The following PDE10A variants were observed in gnomAD, a reference collection of about 807,000 sequenced individuals.
The protein encoded by PDE10A is phosphodiesterase 10A.
Under a neutral mutation model 97.7 loss-of-function variants are expected in PDE10A, and 39 were observed. The ratio of observed to expected loss-of-function variants is 0.40; its 90% CI spans 0.31 to 0.52. The LOEUF (loss-of-function observed/expected upper bound fraction) is 0.52, where lower values mean the gene tolerates loss of function less well. PDE10A is among the 20% of genes least tolerant of loss of function. The pLI, the probability that PDE10A is intolerant of heterozygous loss-of-function variation, is 0.56. For missense variants in PDE10A, 731 were observed against 1,047.8 expected (o/e 0.70, Z 4.17); for synonymous variants, 371 against 376.8 (o/e 0.98, Z 0.18).
At chr6:165,419,466 A>G (rs1788546329) in intron 10 of PDE10A, among the ~76,000 whole-genome samples, 1 of 152,214 alleles carries the variant, frequency 6.6e-6, no homozygotes, top group African/African-American at 2.4e-5. Context: ...AAATTGAGGC[A>G]CTGAGAAGTA....
At chr6:165,775,888 T>G (rs1165050347) in intron 1 of PDE10A, 2 of 152,194 alleles carry the variant, frequency 1.3e-5, no homozygotes, top group Non-Finnish European at 2.9e-5. Context: ...TAAATTTCAG[T>G]GAGAAAAAAT....
chr6:165,366,724 C>G (rs192498267), intron 18 of PDE10A, among the ~76,000 whole-genome samples: 203 of 152,248 alleles, frequency 1.3e-3, no homozygotes, highest in African/African-American at 4.6e-3. Context: ...GGGAGAACCA[C>G]AGAAGTGGAA....
chr6:165,622,273 AGT>A (rs113616610), intron 1 of PDE10A, among the ~76,000 whole-genome samples: 5,042 of 148,132 alleles, frequency 0.034, 231 homozygotes, highest in African/African-American at 0.11. Flanking sequence ...TGTGTTTGTG[AGT>A]GTGTGTGTGT....
intron 1 of PDE10A, among the ~76,000 whole-genome samples, chr6:165,708,445 T>C (rs1791776698): frequency 6.6e-6 from 1 of 151,982 alleles, no homozygotes; most frequent in African/African-American, 2.4e-5. Context: ...CAGTGCCCTC[T>C]GCACCAGAAC....
At chr6:165,394,219 C>G (rs1290479564) in intron 15 of PDE10A, among the ~76,000 whole-genome samples, 1 of 152,108 alleles carries the variant, frequency 6.6e-6, no homozygotes. Context: ...CCTCCCTTAG[C>G]CTCCCATCCC....
chr6:165,558,199 C>A (rs1784352680), intron 1 of PDE10A, among the ~76,000 whole-genome samples: 1 of 152,142 alleles, frequency 6.6e-6, no homozygotes, highest in Non-Finnish European at 1.5e-5. Context: ...GACTTGGAAC[C>A]AACCCAAATG....
rs576282220 is a variant in PDE10A at position 165,840,570 on chromosome 6, C to T, written c.-615+146959G>A. ...TCACCTCACAAATTACACCACCTCC[C>T]AAGCTACCAAAACTGCAGGAGATGA... On this transcript the variant is annotated intron_variant, in intron 1 of 19. Coordinates refer to the PDE10A transcript ENST00000366882. 7.2e-5 allele frequency among the ~76,000 whole-genome samples: 11 copies of T among 152,300 alleles called. 1 individual carries two copies. In the East Asian group the frequency reaches 1.7e-3, roughly 24 times the overall value.
At chr6:165,580,861 C>T (rs1409926649) in intron 1 of PDE10A, among the ~76,000 whole-genome samples, 1 of 150,310 alleles carries the variant, frequency 6.7e-6, no homozygotes, top group Non-Finnish European at 1.5e-5. Context: ...GTCTCCTACC[C>T]GATGAGAAGA....
chr6:165,840,830 TA>T (rs1180920757), intron 1 of PDE10A, among the ~76,000 whole-genome samples: 1 of 152,232 alleles, frequency 6.6e-6, no homozygotes, highest in Non-Finnish European at 1.5e-5. Flanking sequence ...AATATAAGTG[TA>T]ATATAAAAAT....
intron 1 of PDE10A, among the ~76,000 whole-genome samples, chr6:165,735,693 C>A (rs1273679307): frequency 6.6e-6 from 1 of 152,116 alleles, no homozygotes; most frequent in African/African-American, 2.4e-5. Context: ...TCTGTTCAGG[C>A]CTTCATCTGA....
At chr6:165,871,531 G>A (rs963837790) in intron 1 of PDE10A, among the ~76,000 whole-genome samples, 3 of 152,150 alleles carry the variant, frequency 2.0e-5, no homozygotes, top group Non-Finnish European at 2.9e-5. Flanking sequence ...ATTTTTTCAA[G>A]AGAAAACATT....
chr6:165,872,653 T>G (rs1476426955), intron 1 of PDE10A, among the ~76,000 whole-genome samples: 3 of 39,592 alleles, frequency 7.6e-5, no homozygotes, highest in East Asian at 5.6e-4. Flanking sequence ...GGAGCTGTGT[T>G]TTTTTTGTTG....
chr6:165,336,066 T>C (rs1218429390), intron 21 of PDE10A, 57 bp downstream of exon 21: 6 of 1,292,646 alleles, frequency 4.6e-6, no homozygotes, highest in African/African-American at 1.5e-5. Flanking sequence ...AAAAATCCTA[T>C]ACAGATCTCA....
intron 1 of PDE10A, among the ~76,000 whole-genome samples, chr6:165,769,317 C>A (rs4305701): frequency 0.48 from 72,902 of 152,006 alleles, 18,880 homozygotes; most frequent in African/African-American, 0.68. Flanking sequence ...GACAGCACAG[C>A]TTTATAGTGA....
intron 2 of PDE10A, among the ~76,000 whole-genome samples, chr6:165,537,934 A>C (rs1284899091): frequency 6.6e-6 from 1 of 152,012 alleles, no homozygotes; most frequent in East Asian, 1.9e-4. Context: ...ACTAATAGTT[A>C]ATATATTATT....
At chr6:165,930,631 C>T (rs1256732853) in intron 1 of PDE10A, among the ~76,000 whole-genome samples, 4 of 152,218 alleles carry the variant, frequency 2.6e-5, no homozygotes, top group South Asian at 2.1e-4. Flanking sequence ...ATGCCGTGCA[C>T]GCCTTGCCCA....
Position 165,830,847 on chromosome 6 carries a change from C to T in PDE10A, c.-615+156682G>A, listed in dbSNP as rs557645716. 2.0e-5 allele frequency among the ~76,000 whole-genome samples: 3 copies of T among 152,232 alleles called. No individual in the cohort carries two copies. The South Asian group carries it at 6.2e-4, about 32-fold the overall frequency. ...AACTGATGTGAATGGATAATTCCAA[C>T]GAAATCCAAAAGCTGATTTTAAAGG... On this transcript the variant is annotated intron_variant, in intron 1 of 19. Coordinates refer to the PDE10A transcript ENST00000366882.
intron 13 of PDE10A, among the ~76,000 whole-genome samples, chr6:165,400,672 A>T (rs1243817014): frequency 1.3e-5 from 2 of 151,980 alleles, no homozygotes; most frequent in Non-Finnish European, 2.9e-5. Flanking sequence ...ACAGTTACAG[A>T]CCCCTCCCAT....
chr6:165,494,534 A>ATATATT (rs1554273388), intron 2 of PDE10A, among the ~76,000 whole-genome samples: 4,213 of 144,174 alleles, frequency 0.029, 85 homozygotes, highest in African/African-American at 0.052. Context: ...ATATATATAT[A>ATATATT]TATTTATTTA....
Sources: allele counts gnomAD v4.1 joint callset (sites outside exome capture counted in the v4.1 genomes callset), GRCh38; gene constraint gnomAD v4.1.1; transcripts MANE v1.5; gene names NCBI Gene and HGNC (gene_info 2026-07-23, HGNC 2026-07-21).